Variants in NBEA observed in about 807,000 individuals in gnomAD.
NBEA encodes the protein lysosomal-trafficking regulator 2.
Under a neutral mutation model 343.4 loss-of-function variants are expected in NBEA, and 44 were observed. The observed-to-expected ratio is 0.13, with a 90% CI of 0.10 to 0.16. The LOEUF (loss-of-function observed/expected upper bound fraction) is 0.16, where lower values mean the gene tolerates loss of function less well. Ranked by LOEUF, NBEA falls within the 10% of genes least tolerant of loss-of-function variation. NBEA has a pLI of 1.00. For synonymous variants in NBEA, 1,175 were observed against 1,238.7 expected, an observed-to-expected ratio of 0.95 and a Z score of 1.08; for missense variants, 2,555 against 3,631.3, an observed-to-expected ratio of 0.70 and a Z score of 7.62.
At chr13:35,308,966 T>C (rs1005363442) in intron 35 of NBEA, among the ~76,000 whole-genome samples, 4 of 151,068 alleles carry the variant, frequency 2.6e-5, no homozygotes, top group African/African-American at 7.3e-5. Context: ...ATAGGTTTAC[T>C]ACTTTTTTTT....
chr13:35,162,042 C>G (rs1249558080), intron 23 of NBEA, 75 bp downstream of exon 23: 1 of 1,251,610 alleles, frequency 8.0e-7, no homozygotes, highest in Non-Finnish European at 1.1e-6. Context: ...TTGGTTTTGA[C>G]AAAACCAAAA....
intron 22 of NBEA, among the ~76,000 whole-genome samples, chr13:35,160,798 T>A (rs2069498486): frequency 6.6e-6 from 1 of 152,178 alleles, no homozygotes; most frequent in Admixed American, 6.6e-5. Flanking sequence ...GAGCTCTGAG[T>A]TATGACTGTT....
chr13:35,457,314 T>C (rs1476299936), intron 40 of NBEA, among the ~76,000 whole-genome samples: 10 of 152,300 alleles, frequency 6.6e-5, no homozygotes, highest in Non-Finnish European at 1.0e-4. Flanking sequence ...CTGTTTACAG[T>C]GTACAATTTA....
At chr13:35,261,641 A>T (rs2033227748) in intron 34 of NBEA, among the ~76,000 whole-genome samples, 1 of 152,216 alleles carries the variant, frequency 6.6e-6, no homozygotes, top group Non-Finnish European at 1.5e-5. Flanking sequence ...ACTTGAGCCG[A>T]ATATTTTATA....
At chr13:35,328,527 A>T (rs1003614895) in intron 36 of NBEA, among the ~76,000 whole-genome samples, 1 of 151,940 alleles carries the variant, frequency 6.6e-6, no homozygotes, top group African/African-American at 2.4e-5. Flanking sequence ...CATAAAGGAT[A>T]AATGCTGGAG....
In NBEA at chr13:35,142,369, C is replaced by T. The variant is rs771304580; in HGVS notation, c.2437C>T (p.Leu813Phe). ...NTVTVTTYNTLYEILTEQVCT... is the reference protein window; with the variant it reads ...NTVTVTTYNTFYEILTEQVCT... Reference sequence around the variant, plus strand: ...TGTGACTGTCACCACATACAACACACTTTATGAGGTAAAAATAAAAAATGT... The same window carrying T: ...TGTGACTGTCACCACATACAACACATTTTATGAGGTAAAAATAAAAAATGT... The change falls in exon 18 of 59, where the codon CTT becomes TTT. Residue 813 changes from leucine to phenylalanine, a missense_variant. This residue lies in a region of NBEA where 360 missense variants were observed against 519.1 expected (regional missense o/e 0.69). Transcript: ENST00000379939. 1 of 1,608,518 alleles carries T rather than the reference C, an allele frequency of 6.2e-7. No homozygotes were observed. Among genetic ancestry groups the T allele is most frequent in the Non-Finnish European group, 8.5e-7 (1 of 1,175,988 alleles).
chr13:35,233,494 T>G (rs1433211182), intron 34 of NBEA, among the ~76,000 whole-genome samples: 1 of 152,130 alleles, frequency 6.6e-6, no homozygotes, highest in Non-Finnish European at 1.5e-5. Context: ...TTTGTGGCCT[T>G]TGTGAATTAC....
intron 12 of NBEA, among the ~76,000 whole-genome samples, chr13:35,110,247 A>G (rs2066134644): frequency 6.9e-6 from 1 of 144,636 alleles, no homozygotes. Context: ...AAAACACATG[A>G]AGAAATGCTC....
chr13:35,336,025 T>G (rs1328216279), intron 36 of NBEA, among the ~76,000 whole-genome samples: 1 of 152,098 alleles, frequency 6.6e-6, no homozygotes, highest in African/African-American at 2.4e-5. Context: ...ACAGAGTTCC[T>G]TAGGAAAATC....
At chr13:35,226,946 T>A (rs2074687346) in intron 33 of NBEA, among the ~76,000 whole-genome samples, 1 of 152,156 alleles carries the variant, frequency 6.6e-6, no homozygotes, top group Non-Finnish European at 1.5e-5. Flanking sequence ...CTTGGAATTT[T>A]GTTTACGATA....
chr13:35,507,996 A>G (rs1217991433), intron 41 of NBEA, among the ~76,000 whole-genome samples: 7 of 152,210 alleles, frequency 4.6e-5, no homozygotes, highest in African/African-American at 1.4e-4. Flanking sequence ...TTAAGTGACT[A>G]TCACTTGTGG....
chr13:35,553,904 C>G (rs967253095), intron 43 of NBEA, among the ~76,000 whole-genome samples: 7 of 152,100 alleles, frequency 4.6e-5, no homozygotes, highest in African/African-American at 1.7e-4. Flanking sequence ...AGGGCTGCAT[C>G]TTTTTCAGTG....
At chr13:35,551,896 A>G (rs914198861) in intron 43 of NBEA, among the ~76,000 whole-genome samples, 3 of 152,314 alleles carry the variant, frequency 2.0e-5, no homozygotes, top group Non-Finnish European at 4.4e-5. Flanking sequence ...AGCAATCTTT[A>G]TCTTAAGTCC....
chr13:35,627,439 C>G (rs1158273165), intron 48 of NBEA, among the ~76,000 whole-genome samples: 1 of 152,032 alleles, frequency 6.6e-6, no homozygotes, highest in Non-Finnish European at 1.5e-5. Flanking sequence ...AATAAAAAGG[C>G]CTTTTTTTTT....
chr13:35,110,360 G>A lies in NBEA; in HGVS notation c.1834-450G>A, dbSNP rs147958436. Reference sequence around the variant, plus strand: ...ACTATATGTTATGGCCATAGGTGAGGAGAATTTGAAATTGCATGAACTTTT... The same window carrying A: ...ACTATATGTTATGGCCATAGGTGAGAAGAATTTGAAATTGCATGAACTTTT... On this transcript the variant is annotated intron_variant, in intron 12 of 58. Transcript: ENST00000379939. Among the ~76,000 whole-genome samples, 605 of 152,150 alleles carry A rather than the reference G, an allele frequency of 4.0e-3. 3 individuals carry two copies. Among genetic ancestry groups the A allele is most frequent in the African/African-American group, 0.014 (585 of 41,528 alleles).
intron 38 of NBEA, among the ~76,000 whole-genome samples, chr13:35,396,709 C>A (rs1224904307): frequency 4.6e-5 from 7 of 152,128 alleles, no homozygotes; most frequent in Admixed American, 3.9e-4. Flanking sequence ...TGTTTACTCC[C>A]AGAACACTCA....
chr13:35,297,228 A>C (rs530760536), intron 35 of NBEA, among the ~76,000 whole-genome samples: 24 of 152,136 alleles, frequency 1.6e-4, no homozygotes, highest in African/African-American at 5.8e-4. Context: ...CAATTATTTC[A>C]AACTCTTTTA....
intron 34 of NBEA, among the ~76,000 whole-genome samples, chr13:35,277,617 G>A (rs1396218019): frequency 2.3e-4 from 7 of 30,208 alleles, no homozygotes; most frequent in East Asian, 1.0e-3. Flanking sequence ...AAGAAACTCC[G>A]TCTCCAAAAA....
chr13:35,383,024 C>A (rs558388086), intron 38 of NBEA, among the ~76,000 whole-genome samples: 2 of 152,252 alleles, frequency 1.3e-5, no homozygotes, highest in East Asian at 1.9e-4. Flanking sequence ...TTCCCTCTGT[C>A]CTTAAATGCA....
Sources: allele counts gnomAD v4.1 joint callset (sites outside exome capture counted in the v4.1 genomes callset), GRCh38; gene constraint gnomAD v4.1.1; regional missense constraint gnomAD v4.1.1; transcripts MANE v1.5; gene names NCBI Gene and HGNC (gene_info 2026-07-23, HGNC 2026-07-21).